Variants in SFXN5 observed in about 807,000 individuals in gnomAD.
SFXN5 encodes sideroflexin 5.
A neutral mutation model predicts 50.2 loss-of-function variants in SFXN5; 43 were observed. The ratio of observed to expected loss-of-function variants is 0.86; its 90% CI spans 0.67 to 1.11. The LOEUF (loss-of-function observed/expected upper bound fraction) is 1.11, where lower values mean the gene tolerates loss of function less well. Ranked by LOEUF, SFXN5 falls within the 50% of genes least tolerant of loss-of-function variation. The pLI, the probability that SFXN5 is intolerant of heterozygous loss-of-function variation, is 0.00. For synonymous variants in SFXN5, 203 were observed against 185.8 expected, an observed-to-expected ratio of 1.09 and a Z score of -0.75; for missense variants, 463 against 454.1, an observed-to-expected ratio of 1.02 and a Z score of -0.18.
At chr2:73,013,238 C>A (rs1175754840) in intron 6 of SFXN5, among the ~76,000 whole-genome samples, 1 of 151,942 alleles carries the variant, frequency 6.6e-6, no homozygotes, top group Non-Finnish European at 1.5e-5. Context: ...TAGAATTCAG[C>A]TATATTTTGT....
intron 13 of SFXN5, chr2:72,956,902 T>C (rs569170922): frequency 1.5e-5 from 6 of 396,854 alleles, no homozygotes; most frequent in African/African-American, 8.3e-5. Flanking sequence ...AGAAACTGAA[T>C]ACCATGTTGC....
Position 72,945,011 on chromosome 2 carries a change from G to T in SFXN5, c.*11C>A, listed in dbSNP as rs535583203. On this transcript the variant is annotated 3_prime_UTR_variant, in exon 14 of 14. Transcript: ENST00000272433. The surrounding 1 kb of genome is among the most constrained non-coding windows in gnomAD (Gnocchi z 5.8). ...CTGCACAGTGCTCCGTCCCCAGGCC[G>T]CTGACCACACTCACAACCCCTTGTT... The T allele has an allele frequency of 6.2e-7, 1 of 1,612,656 alleles. No individual in the cohort carries two copies. The highest frequency in any genetic ancestry group is 1.1e-5 in the South Asian group (1 of 90,746).
chr2:73,028,360 T>C (rs1677867098), intron 3 of SFXN5, among the ~76,000 whole-genome samples: 1 of 152,158 alleles, frequency 6.6e-6, no homozygotes, highest in Non-Finnish European at 1.5e-5. Flanking sequence ...GCCACCGCCA[T>C]GAAATGAGTT....
chr2:73,015,783 A>T (rs1464269976), intron 6 of SFXN5, among the ~76,000 whole-genome samples: 1 of 152,052 alleles, frequency 6.6e-6, no homozygotes, highest in Admixed American at 6.5e-5. Flanking sequence ...GTCTATTCAG[A>T]TTTTAAGGCC....
At chr2:73,039,421 C>A (rs1277056452) in intron 3 of SFXN5, among the ~76,000 whole-genome samples, 2 of 152,140 alleles carry the variant, frequency 1.3e-5, no homozygotes, top group Non-Finnish European at 2.9e-5. Flanking sequence ...GAAAAAGAGA[C>A]ATAATCATGA....
intron 7 of SFXN5, 105 bp downstream of exon 7, chr2:73,001,420 C>T: frequency 8.2e-7 from 1 of 1,222,376 alleles, no homozygotes; most frequent in Non-Finnish European, 1.2e-6. Flanking sequence ...TGGACTGACC[C>T]TACACGGGGT....
chr2:73,052,513 ATAAT>A (rs1559208904), intron 2 of SFXN5, among the ~76,000 whole-genome samples: 2 of 152,130 alleles, frequency 1.3e-5, no homozygotes, highest in African/African-American at 4.8e-5. Context: ...CCCCATCAGT[ATAAT>A]TATTTATTCT....
chr2:73,019,847 C>G, intron 6 of SFXN5: 2 of 184,238 alleles, frequency 1.1e-5, no homozygotes, highest in South Asian at 2.4e-4. Flanking sequence ...TAAAACTGAA[C>G]AAAAAGAATG....
chr2:73,041,255 G>A (rs758559017), intron 2 of SFXN5, among the ~76,000 whole-genome samples: 1 of 152,176 alleles, frequency 6.6e-6, no homozygotes. Flanking sequence ...TATTTCCTAT[G>A]TGAATATTTG....
At chr2:73,042,294 C>T (rs918871154) in intron 2 of SFXN5, among the ~76,000 whole-genome samples, 2 of 152,282 alleles carry the variant, frequency 1.3e-5, no homozygotes, top group Admixed American at 6.5e-5. Flanking sequence ...AATATATGCA[C>T]ACTATAACTA....
intron 1 of SFXN5, among the ~76,000 whole-genome samples, chr2:73,068,457 T>C (rs1185613071): frequency 1.3e-5 from 2 of 152,194 alleles, no homozygotes; most frequent in African/African-American, 4.8e-5. Context: ...AACTCTGGGA[T>C]GTCTCAGCAC....
At chr2:73,025,898 G>A (rs1677485747) in intron 3 of SFXN5, among the ~76,000 whole-genome samples, 1 of 152,194 alleles carries the variant, frequency 6.6e-6, no homozygotes, top group African/African-American at 2.4e-5. Context: ...CCCAGACATG[G>A]TCACAGGCAC....
Position 72,950,766 on chromosome 2 carries a change from T to A in SFXN5, c.946-5667A>T, listed in dbSNP as rs1011274885. Among the ~76,000 whole-genome samples, 39 of 152,346 alleles carry A rather than the reference T, an allele frequency of 2.6e-4. No homozygotes were observed. The highest frequency in any genetic ancestry group is 3.4e-3 in the Middle Eastern group (1 of 294). On this transcript the variant is annotated intron_variant, in intron 13 of 13. Transcript: ENST00000272433. This position sits in a 1 kb window ranked among gnomAD's most constrained non-coding sequence, Gnocchi z 4.2. ...TGAGCAAAGGCAATAAAGCATCTCT[T>A]CCTGCTGCCCAACCAACTCCACCCC...
intron 6 of SFXN5, among the ~76,000 whole-genome samples, chr2:73,003,817 G>GC (rs1332862967): frequency 1.3e-5 from 2 of 151,952 alleles, no homozygotes; most frequent in Non-Finnish European, 2.9e-5. Context: ...CATACACACT[G>GC]CCCATGGCTC....
rs574519103 is a variant in SFXN5 at position 73,061,442 on chromosome 2, T to C, written c.103-2846A>G. Among the ~76,000 whole-genome samples, 10 of 152,172 alleles carry C rather than the reference T, an allele frequency of 6.6e-5. 1 individual carries two copies. The South Asian group carries it at 1.7e-3, about 25-fold the overall frequency. Reference sequence around the variant, plus strand: ...CCATAAAACCTGGAAATGTAGATACTATAATTGAATGCAGATTGAAGATGT... The same window carrying C: ...CCATAAAACCTGGAAATGTAGATACCATAATTGAATGCAGATTGAAGATGT... On this transcript the variant is annotated intron_variant, in intron 1 of 13. Coordinates refer to ENST00000272433, the MANE Select transcript of SFXN5 (RefSeq NM_144579.3).
intron 2 of SFXN5, chr2:73,049,060 CTAT>C (rs1238126331): frequency 1.3e-5 from 2 of 152,198 alleles, no homozygotes; most frequent in African/African-American, 4.8e-5. Context: ...TTTAGTATTA[CTAT>C]GTTATCTTAC....
intron 10 of SFXN5, among the ~76,000 whole-genome samples, chr2:72,978,225 A>T (rs539891578): frequency 1.5e-4 from 23 of 152,112 alleles, no homozygotes; most frequent in African/African-American, 5.5e-4. Context: ...GGGAATTGGA[A>T]AAATGCAAAT....
At chr2:73,004,313 G>GCGCACACACA (rs1406172072) in intron 6 of SFXN5, among the ~76,000 whole-genome samples, 1 of 138,432 alleles carries the variant, frequency 7.2e-6, no homozygotes, top group Non-Finnish European at 1.5e-5. Flanking sequence ...ATGAGTGCGC[G>GCGCACACACA]CGCACACACA....
intron 2 of SFXN5, chr2:73,042,611 TTAAAAAATAAAAAAA>T (rs1171733263): frequency 1.3e-5 from 2 of 150,550 alleles, no homozygotes; most frequent in Admixed American, 6.6e-5. Flanking sequence ...AGACTCCATC[TTAAAAAATAAAAAAA>T]TAAAAAATAA....
Sources: gnomAD v4.1 joint callset for allele counts (sites outside exome capture counted in the v4.1 genomes callset) on GRCh38, gnomAD v4.1.1 for gene constraint, Gnocchi (gnomAD v3.1) non-coding constraint, MANE v1.5 for transcripts, NCBI Gene and HGNC (gene_info 2026-07-23, HGNC 2026-07-21) for gene names.